Variants in TTC19 observed in about 807,000 individuals in gnomAD.
TTC19 encodes the protein tetratricopeptide repeat protein 19, mitochondrial.
In TTC19, 38 loss-of-function variants were observed where a neutral mutation model predicts 49.5. The observed-to-expected ratio is 0.77, with a 90% CI of 0.59 to 1.01. The LOEUF is 1.01. Among genes scored for constraint, TTC19 ranks in the 50% least tolerant of loss-of-function variants. The pLI, the probability that TTC19 is intolerant of heterozygous loss-of-function variation, is 0.00. For missense variants in TTC19, 475 were observed against 477.7 expected (o/e 0.99, Z 0.05); for synonymous variants, 204 against 185.2 (o/e 1.10, Z -0.83).
At chr17:16,002,359 T>G (rs958357181) in intron 3 of TTC19, among the ~76,000 whole-genome samples, 1 of 152,092 alleles carries the variant, frequency 6.6e-6, no homozygotes, top group Non-Finnish European at 1.5e-5. Context: ...TGTATTGTAG[T>G]AGAGACGAGG....
chr17:16,044,996 T>C, exon 3 of TTC19: 1 of 404,210 alleles, frequency 2.5e-6, no homozygotes, highest in Non-Finnish European at 4.5e-6. Flanking sequence ...AAGCTGAACT[T>C]AAGAAAAAAA....
At chr17:16,026,497 G>T in intron 8 of TTC19, 43 bp from the exon 9 acceptor site, 1 of 1,595,668 alleles carries the variant, frequency 6.3e-7, no homozygotes, top group South Asian at 1.1e-5. Context: ...GTTCTGTGAA[G>T]GCATGTTTTT....
At chr17:16,003,641 T>C (rs1023105264) in intron 4 of TTC19, among the ~76,000 whole-genome samples, 190 bp from the exon 5 acceptor site, 1 of 152,106 alleles carries the variant, frequency 6.6e-6, no homozygotes, top group Non-Finnish European at 1.5e-5. Context: ...ACAGAGGATG[T>C]TGAGGGTCCT....
chr17:16,004,627 T>C (rs900062923), intron 6 of TTC19, among the ~76,000 whole-genome samples: 1 of 152,178 alleles, frequency 6.6e-6, no homozygotes, highest in African/African-American at 2.4e-5. Flanking sequence ...GAAGAAGCCA[T>C]TTTGCTGGTA....
At position 16,000,031 on chromosome 17, in the gene TTC19, A is replaced by T; in HGVS notation, c.183A>T (p.Ala61=). The T allele has an allele frequency of 1.6e-6, 2 of 1,244,752 alleles. No homozygotes were observed. The highest frequency in any genetic ancestry group is 2.0e-6 in the Non-Finnish European group (2 of 997,040). The allele number at this position is 1,244,752 out of a possible 1,614,324, so 77.1% of individuals were successfully genotyped here. A position where few individuals can be genotyped will look rare whatever the true frequency, so the allele number is the denominator to read the frequency against. ...GRGPGLLPLL[A]ALAWFSRPAA... is the part of the protein sequence containing the mutation. ...GCCCAGGCCTGCTGCCGCTGCTGGCAGGTGAGGGGCGCGGGCCGGGCGGGG... is the reference window on the plus strand; with the variant it reads ...GCCCAGGCCTGCTGCCGCTGCTGGCTGGTGAGGGGCGCGGGCCGGGCGGGG... The change falls in exon 1 of 10, where the codon GCA becomes GCT. Residue 61 remains alanine (A), a splice_region_variant and synonymous_variant. Transcript: ENST00000261647.
rs1462593526 is a variant in TTC19 at position 15,999,970 on chromosome 17, A to G, written c.122A>G (p.Gln41Arg). Residue 41 changes from glutamine (Q) to arginine (R), a missense_variant, in exon 1 of 10, where the codon CAG becomes CGG. Coordinates refer to ENST00000261647, the MANE Select transcript of TTC19 (RefSeq NM_017775.4). Reference sequence around the variant, plus strand: ...GCAGGAGGTCCGGGGCCCGAGGTGCAGGTGCCGCCATCCCGAGTCGCGCCG... The same window carrying G: ...GCAGGAGGTCCGGGGCCCGAGGTGCGGGTGCCGCCATCCCGAGTCGCGCCG... Reference protein sequence around the residue: ...GLAGGPGPEVQVPPSRVAPHG... With the variant: ...GLAGGPGPEVRVPPSRVAPHG... 3.9e-4 allele frequency: 503 copies of G among 1,300,742 alleles called. 2 individuals are homozygous for G. The highest frequency in any genetic ancestry group is 2.9e-4 in the Middle Eastern group (1 of 3,434). The allele number at this position is 1,300,742 out of a possible 1,614,324, so 80.6% of individuals were successfully genotyped here.
chr17:16,027,986 G>A lies in TTC19; in HGVS notation c.*464G>A, dbSNP rs376164485. 2.2e-6 allele frequency: 1 copy of A among 454,214 alleles called. No individual in the cohort carries two copies. Among genetic ancestry groups the A allele is most frequent in the South Asian group, 1.6e-5 (1 of 64,464 alleles). The allele number at this position is 454,214 out of a possible 1,614,324, so 28.1% of individuals were successfully genotyped here. A position where few individuals can be genotyped will look rare whatever the true frequency, so the allele number is the denominator to read the frequency against. The stretch of plus-strand genomic sequence containing the variant: ...TGGCAAAGGGGGATTATGGTGAATT[G>A]TTGTTCTTATAGTCTGTTTCATGAA... On this transcript the variant is annotated 3_prime_UTR_variant, in exon 10 of 10. Transcript: ENST00000261647.
intron 2 of TTC19, among the ~76,000 whole-genome samples, chr17:16,037,063 G>A (rs1328141165): frequency 6.6e-6 from 1 of 152,164 alleles, no homozygotes. Context: ...ACACTTAGAA[G>A]CCATTGCAGG....
chr17:16,036,091 G>A (rs1247951847), intron 2 of TTC19, among the ~76,000 whole-genome samples: 1 of 152,196 alleles, frequency 6.6e-6, no homozygotes, highest in Admixed American at 6.5e-5. Flanking sequence ...CTTATGAAAT[G>A]TATTTCTTAA....
At chr17:16,013,271 G>A (rs1971125388) in intron 7 of TTC19, among the ~76,000 whole-genome samples, 1 of 152,158 alleles carries the variant, frequency 6.6e-6, no homozygotes, top group African/African-American at 2.4e-5. Flanking sequence ...ACTTGCATGA[G>A]TAATCTTTTC....
downstream of TTC19, chr17:16,032,475 G>T: frequency 6.4e-7 from 1 of 1,572,302 alleles, no homozygotes; most frequent in South Asian, 1.2e-5. Context: ...TAAGGAAACT[G>T]AGTTGAGCCT....
downstream of TTC19, chr17:16,031,068 A>C (rs534153199): frequency 1.1e-4 from 22 of 192,954 alleles, no homozygotes; most frequent in African/African-American, 5.1e-4. Flanking sequence ...ATTCTTAATG[A>C]AAGATAAAAC....
At chr17:16,033,473 A>G (rs1972921873), downstream of TTC19, among the ~76,000 whole-genome samples, 1 of 152,218 alleles carries the variant, frequency 6.6e-6, no homozygotes, top group Non-Finnish European at 1.5e-5. Flanking sequence ...TAAGCTTTCA[A>G]ACTCAAAACA....
intron 6 of TTC19, among the ~76,000 whole-genome samples, chr17:16,005,576 AAGC>A (rs1970879482): frequency 1.3e-5 from 2 of 152,208 alleles, no homozygotes; most frequent in Admixed American, 1.3e-4. Context: ...TCTCTGTAAA[AAGC>A]AGCAGTCAGT....
intron 2 of TTC19, among the ~76,000 whole-genome samples, chr17:16,042,812 T>A (rs557617613): frequency 6.6e-6 from 1 of 152,246 alleles, no homozygotes; most frequent in South Asian, 2.1e-4. Flanking sequence ...ATTTTAGATA[T>A]TTAAGGAGCC....
In TTC19 at chr17:16,027,549, G is replaced by A. The variant is rs150843177; in HGVS notation, c.*27G>A. 1,788 of 1,612,068 alleles carry A rather than the reference G, an allele frequency of 1.1e-3. 5 individuals are homozygous for A. Among genetic ancestry groups the A allele is most frequent in the South Asian group, 7.2e-3 (651 of 90,974 alleles). Reference sequence around the variant, plus strand: ...TCCATTTTTGTGTAGGGAGAATAATGTCTAGTAATGTGGAAGAATAGCTAT... The same window carrying A: ...TCCATTTTTGTGTAGGGAGAATAATATCTAGTAATGTGGAAGAATAGCTAT... On this transcript the variant is annotated 3_prime_UTR_variant, in exon 10 of 10. Coordinates refer to ENST00000261647, the MANE Select transcript of TTC19 (RefSeq NM_017775.4).
At chr17:16,016,165 A>C (rs1971208770) in intron 7 of TTC19, among the ~76,000 whole-genome samples, 2 of 152,228 alleles carry the variant, frequency 1.3e-5, no homozygotes, top group Non-Finnish European at 2.9e-5. Flanking sequence ...TTATAACTAT[A>C]AGCTTTAGCT....
intron 8 of TTC19, among the ~76,000 whole-genome samples, chr17:16,026,033 C>T (rs541392672): frequency 6.6e-6 from 1 of 152,194 alleles, no homozygotes; most frequent in African/African-American, 2.4e-5. Flanking sequence ...TCTACCTCTT[C>T]CATACTGAAA....
At position 16,028,151 on chromosome 17, in the gene TTC19, C is replaced by T. The variant is rs1375082120; in HGVS notation, c.*629C>T. On this transcript the variant is annotated 3_prime_UTR_variant, in exon 10 of 10. Transcript: ENST00000261647. ...TTAAATAAAAGTGAACCATATTTATCTGGTTATATAAAACTAAAAATGGGG... is the reference window on the plus strand; with the variant it reads ...TTAAATAAAAGTGAACCATATTTATTTGGTTATATAAAACTAAAAATGGGG... 4 of 453,896 alleles carry T rather than the reference C, an allele frequency of 8.8e-6. No individual in the cohort carries two copies. The highest frequency in any genetic ancestry group is 1.8e-5 in the Non-Finnish European group (4 of 226,786). 28.1% of individuals were successfully genotyped at this position (453,896 alleles called of 1,614,324 possible).
Sources: gnomAD v4.1 joint callset for allele counts (sites outside exome capture counted in the v4.1 genomes callset) on GRCh38, gnomAD v4.1.1 for gene constraint, MANE v1.5 for transcripts, NCBI Gene and HGNC (gene_info 2026-07-23, HGNC 2026-07-21) for gene names.